The following SLC2A13 variants were observed in gnomAD, a reference collection of about 807,000 sequenced individuals.
SLC2A13 encodes proton myo-inositol cotransporter.
In SLC2A13, 32 loss-of-function variants were observed where a neutral mutation model predicts 64.4. That is an observed-to-expected ratio of 0.50 (90% CI 0.37 to 0.67). The LOEUF (loss-of-function observed/expected upper bound fraction) is 0.67. Among genes scored for constraint, SLC2A13 ranks in the 30% least tolerant of loss-of-function variants. The pLI, the probability that SLC2A13 is intolerant of heterozygous loss-of-function variation, is 0.00. For synonymous variants in SLC2A13, 338 were observed against 327.1 expected (o/e 1.03, Z -0.36); for missense variants, 743 against 829.2 (o/e 0.90, Z 1.28).
At chr12:39,865,464 T>C (rs1282194278) in intron 5 of SLC2A13, among the ~76,000 whole-genome samples, 1 of 152,222 alleles carries the variant, frequency 6.6e-6, no homozygotes, top group African/African-American at 2.4e-5. Flanking sequence ...TTCTTTTTTC[T>C]TTCCTGTTGG....
chr12:39,806,556 T>C (rs1941984855), intron 7 of SLC2A13, among the ~76,000 whole-genome samples: 1 of 152,182 alleles, frequency 6.6e-6, no homozygotes, highest in South Asian at 2.1e-4. Flanking sequence ...ATGTTCTCAG[T>C]TGTGATAAAA....
At chr12:40,072,519 T>C (rs1411374207) in intron 1 of SLC2A13, among the ~76,000 whole-genome samples, 2 of 152,086 alleles carry the variant, frequency 1.3e-5, no homozygotes, top group African/African-American at 2.4e-5. Context: ...GATTCATCTA[T>C]TTTTTCCTCA....
At chr12:39,840,741 TTTC>T (rs935562150) in intron 6 of SLC2A13, among the ~76,000 whole-genome samples, 4 of 152,054 alleles carry the variant, frequency 2.6e-5, no homozygotes, top group South Asian at 2.1e-4. Context: ...CATTCCATGA[TTTC>T]TTAACAGCTT....
chr12:40,039,289 T>G (rs1299379674), intron 2 of SLC2A13, among the ~76,000 whole-genome samples: 1 of 152,246 alleles, frequency 6.6e-6, no homozygotes, highest in East Asian at 1.9e-4. Flanking sequence ...ATATTACATC[T>G]TTTCCCAACC....
In SLC2A13 at chr12:40,057,909, T is replaced by C. The variant is rs550055529; in HGVS notation, c.557-9699A>G. On this transcript the variant is annotated intron_variant, in intron 1 of 9. Coordinates refer to ENST00000280871, the MANE Select transcript of SLC2A13 (RefSeq NM_052885.4). ...ACTTAGACTGAATGGACCTGGCCTT[T>C]GAATTTTTAAGTGGTAAAAATAATA... 1.4e-4 allele frequency among the ~76,000 whole-genome samples: 22 copies of C among 152,240 alleles called. No homozygotes were observed. The South Asian group carries it at 2.5e-3, about 17-fold the overall frequency.
chr12:39,763,637 G>A, intron 9 of SLC2A13, among the ~76,000 whole-genome samples: 1 of 152,178 alleles, frequency 6.6e-6, no homozygotes. Context: ...GCGGGGAGAT[G>A]AGAGAAGCTC....
intron 1 of SLC2A13, among the ~76,000 whole-genome samples, chr12:40,078,899 G>A (rs973227924): frequency 3.9e-5 from 6 of 152,032 alleles, no homozygotes; most frequent in African/African-American, 1.4e-4. Flanking sequence ...ATTTTCTCTA[G>A]GTTTTCTAGT....
At chr12:39,764,336 A>G in intron 9 of SLC2A13, 124 bp downstream of exon 9, 4 of 839,454 alleles carry the variant, frequency 4.8e-6, no homozygotes, top group Non-Finnish European at 7.0e-6. Flanking sequence ...CAAGAAAGCC[A>G]CATGGAGATA....
At chr12:39,988,672 AGGGAAGAAGGGAGGG>A (rs1482115253) in intron 3 of SLC2A13, among the ~76,000 whole-genome samples, 1 of 94,332 alleles carries the variant, frequency 1.1e-5, no homozygotes. Flanking sequence ...GGAGGGAGGG[AGGGAAGAAGGGAGGG>A]AGGGAGGAAG....
rs1418769069 is a variant in SLC2A13 at position 40,106,052 on chromosome 12, CG to C, written c.-245del. 2.7e-6 allele frequency: 1 copy of C among 370,072 alleles called. No individual in the cohort carries two copies. Among genetic ancestry groups the C allele is most frequent in the Non-Finnish European group, 4.7e-6 (1 of 214,274 alleles). The allele number at this position is 370,072 out of a possible 1,614,324, so 22.9% of individuals were successfully genotyped here. The stretch of plus-strand genomic sequence containing the variant: ...GGTCTCACTCCACACTCACGCCCCG[CG>C]CCTGCCGAGCTGGCGCTGCGGAGCG... On this transcript the variant is annotated 5_prime_UTR_variant, in exon 1 of 10. Transcript: ENST00000280871.
chr12:40,006,058 T>C (rs1251972530), intron 3 of SLC2A13, among the ~76,000 whole-genome samples: 1 of 152,140 alleles, frequency 6.6e-6, no homozygotes, highest in Non-Finnish European at 1.5e-5. Flanking sequence ...CATGAATGTT[T>C]TAAGTCTAAA....
chr12:40,056,148 C>A (rs957086594), intron 1 of SLC2A13, among the ~76,000 whole-genome samples: 4 of 151,338 alleles, frequency 2.6e-5, no homozygotes, highest in Non-Finnish European at 5.9e-5. Context: ...ACTTATGTAA[C>A]CATTCCCTTC....
intron 4 of SLC2A13, among the ~76,000 whole-genome samples, chr12:39,884,321 AG>A (rs1267961666): frequency 2.0e-5 from 3 of 152,186 alleles, no homozygotes; most frequent in Non-Finnish European, 4.4e-5. Flanking sequence ...TATAATCACA[AG>A]GAACTTACAC....
intron 7 of SLC2A13, among the ~76,000 whole-genome samples, chr12:39,822,104 G>A (rs1226234291): frequency 1.6e-5 from 2 of 124,154 alleles, no homozygotes; most frequent in Non-Finnish European, 3.1e-5. Context: ...AGAGTGTGAT[G>A]TTCCCCTTCC....
intron 1 of SLC2A13, among the ~76,000 whole-genome samples, chr12:40,078,754 T>C (rs538189075): frequency 6.6e-6 from 1 of 152,336 alleles, no homozygotes; most frequent in African/African-American, 2.4e-5. Context: ...TGTAAATCCC[T>C]CTGGTCCAGG....
rs570165320 is a variant in SLC2A13 at position 39,946,314 on chromosome 12, C to T, written c.1034+4943G>A. ...AGGGTTCTTAATTTTGGTGGTTTAA[C>T]GCTCTATTTTTGTGCTGGTTGGCTT... On this transcript the variant is annotated intron_variant, in intron 4 of 9. Transcript: ENST00000280871. Among the ~76,000 whole-genome samples, 19 of 152,272 alleles carry T rather than the reference C, an allele frequency of 1.2e-4. 1 individual carries two copies. Among genetic ancestry groups the T allele is most frequent in the Admixed American group, 5.2e-4 (8 of 15,300 alleles).
chr12:39,815,047 C>G (rs745325052), intron 7 of SLC2A13, among the ~76,000 whole-genome samples: 63 of 151,044 alleles, frequency 4.2e-4, no homozygotes, highest in Admixed American at 2.0e-4. Context: ...TTACTTTCTT[C>G]TGTTTTAAAG....
chr12:39,907,217 G>T (rs556901984), intron 4 of SLC2A13, among the ~76,000 whole-genome samples: 2 of 152,200 alleles, frequency 1.3e-5, no homozygotes, highest in South Asian at 2.1e-4. Flanking sequence ...TACAAGTAGA[G>T]ATTTGTATTT....
intron 6 of SLC2A13, among the ~76,000 whole-genome samples, chr12:39,859,736 G>A (rs542592857): frequency 9.9e-5 from 15 of 151,948 alleles, no homozygotes; most frequent in East Asian, 7.8e-4. Flanking sequence ...CATGTTGGCC[G>A]GGCTGGTCTC....
Sources: allele counts gnomAD v4.1 joint callset (sites outside exome capture counted in the v4.1 genomes callset), GRCh38; gene constraint gnomAD v4.1.1; transcripts MANE v1.5; gene names NCBI Gene and HGNC (gene_info 2026-07-23, HGNC 2026-07-21).